The following ARHGAP6 variants were observed in gnomAD, a reference collection of about 807,000 sequenced individuals.
The protein encoded by ARHGAP6 is rho GTPase-activating protein 6.
Under a neutral mutation model 55.7 loss-of-function variants are expected in ARHGAP6, and 16 were observed. The ratio of observed to expected loss-of-function variants is 0.29; its 90% CI spans 0.19 to 0.44. The LOEUF (loss-of-function observed/expected upper bound fraction) is 0.44, where lower values mean the gene tolerates loss of function less well. Ranked by LOEUF, ARHGAP6 falls within the 20% of genes least tolerant of loss-of-function variation. The probability of loss-of-function intolerance (pLI) is 1.00; values close to 1 mark genes in which losing one functional copy is unlikely to be tolerated. For synonymous variants in ARHGAP6, 382 were observed against 360.9 expected, an observed-to-expected ratio of 1.06 and a Z score of -0.66; for missense variants, 698 against 808.9, an observed-to-expected ratio of 0.86 and a Z score of 1.66.
chrX:11,171,621 T>C (rs1206147478), intron 8 of ARHGAP6, among the ~76,000 whole-genome samples: 1 of 112,412 alleles, frequency 8.9e-6, no homozygotes, highest in Non-Finnish European at 1.9e-5. Context: ...ATTGTTGTAA[T>C]AAGGAATATG....
rs776081041 is a variant in ARHGAP6, at chrX:11,570,363, TTGATA to T, written c.588+93873_588+93877del. On this transcript the variant is annotated intron_variant, in intron 1 of 12. Coordinates refer to ENST00000337414, the MANE Select transcript of ARHGAP6 (RefSeq NM_013427.3). The stretch of plus-strand genomic sequence containing the variant: ...TGAACATAATTTATTTTATATGTTA[TTGATA>T]TGAAAGTATAAATATTTGATAATAT... Among the ~76,000 whole-genome samples, 18 of 111,941 alleles carry T rather than the reference TTGATA, an allele frequency of 1.6e-4. No homozygotes were observed. In the South Asian group the frequency reaches 6.7e-3, roughly 42 times the overall value.
chrX:11,662,213 T>C (rs1569076857), intron 1 of ARHGAP6, among the ~76,000 whole-genome samples: 1 of 112,145 alleles, frequency 8.9e-6, no homozygotes, highest in East Asian at 2.8e-4. Flanking sequence ...CAGTGCCCAA[T>C]AGGATACATT....
At chrX:11,195,385 G>A (rs930468875) in intron 3 of ARHGAP6, among the ~76,000 whole-genome samples, 5 of 109,748 alleles carry the variant, frequency 4.6e-5, no homozygotes, top group African/African-American at 1.3e-4. Flanking sequence ...ATTGGACTGC[G>A]TCAATGGGGC....
At chrX:11,359,818 G>T (rs1178015624) in intron 1 of ARHGAP6, among the ~76,000 whole-genome samples, 1 of 111,758 alleles carries the variant, frequency 8.9e-6, no homozygotes, top group African/African-American at 3.2e-5. Flanking sequence ...AAATGATAAA[G>T]GGGATATCAC....
chrX:11,466,097 T>A (rs1205777440), intron 1 of ARHGAP6, among the ~76,000 whole-genome samples: 2 of 111,726 alleles, frequency 1.8e-5, no homozygotes, highest in Non-Finnish European at 3.8e-5. Context: ...ACTTCTCCTT[T>A]GAACTTGCAG....
intron 1 of ARHGAP6, among the ~76,000 whole-genome samples, chrX:11,324,891 G>A (rs924796021): frequency 1.3e-4 from 15 of 112,343 alleles, no homozygotes; most frequent in Non-Finnish European, 2.1e-4. Flanking sequence ...TTGCTCTGTC[G>A]CCCAGGCCGG....
chrX:11,438,753 A>G (rs753601485), intron 1 of ARHGAP6, among the ~76,000 whole-genome samples: 1 of 112,659 alleles, frequency 8.9e-6, no homozygotes, highest in African/African-American at 3.2e-5. Context: ...ATTCCTCAAC[A>G]CCTAGCAGAA....
chrX:11,435,791 A>G (rs1202497597), intron 1 of ARHGAP6, among the ~76,000 whole-genome samples: 1 of 111,929 alleles, frequency 8.9e-6, no homozygotes, highest in East Asian at 2.8e-4. Flanking sequence ...TATGACTAAC[A>G]AGCAAGGATT....
intron 1 of ARHGAP6, among the ~76,000 whole-genome samples, chrX:11,631,603 T>C (rs1445778050): frequency 9.0e-6 from 1 of 111,240 alleles, no homozygotes. Context: ...TGTTCCAATG[T>C]TATTTTAAGA....
intron 10 of ARHGAP6, among the ~76,000 whole-genome samples, chrX:11,153,393 C>T (rs2045815529): frequency 9.2e-6 from 1 of 108,450 alleles, no homozygotes; most frequent in Non-Finnish European, 1.9e-5. Context: ...GGTGTGGTGG[C>T]ATGCACCTGT....
At chrX:11,517,611 A>C (rs1910638742) in intron 1 of ARHGAP6, among the ~76,000 whole-genome samples, 1 of 111,504 alleles carries the variant, frequency 9.0e-6, no homozygotes, top group Non-Finnish European at 1.9e-5. Flanking sequence ...AAAATCATCA[A>C]GCAGTATGAT....
intron 1 of ARHGAP6, among the ~76,000 whole-genome samples, chrX:11,444,077 G>A (rs955235984): frequency 1.8e-5 from 2 of 112,000 alleles, no homozygotes; most frequent in Admixed American, 9.4e-5. Flanking sequence ...TTTTCATTGA[G>A]TTATCTGTTT....
At chrX:11,280,780 G>A (rs772093787) in intron 1 of ARHGAP6, among the ~76,000 whole-genome samples, 13 of 105,369 alleles carry the variant, frequency 1.2e-4, no homozygotes, top group Admixed American at 1.0e-3. Flanking sequence ...AATTTTTTTC[G>A]GAGCAGTTCT....
At chrX:11,206,417 T>C (rs1368198396) in intron 2 of ARHGAP6, among the ~76,000 whole-genome samples, 1 of 111,471 alleles carries the variant, frequency 9.0e-6, no homozygotes, top group Non-Finnish European at 1.9e-5. Flanking sequence ...ATTTAGATGA[T>C]CAGCAGTTTT....
chrX:11,471,736 G>T, intron 1 of ARHGAP6, among the ~76,000 whole-genome samples: 1 of 111,299 alleles, frequency 9.0e-6, no homozygotes, highest in East Asian at 2.8e-4. Flanking sequence ...GTACCCCTGG[G>T]GGATGCAGGG....
At chrX:11,241,430 G>C (rs1265549042) in intron 2 of ARHGAP6, among the ~76,000 whole-genome samples, 1 of 110,986 alleles carries the variant, frequency 9.0e-6, no homozygotes, top group Non-Finnish European at 1.9e-5. Context: ...GGGTTCAAGA[G>C]AGGGGAAAAT....
chrX:11,474,284 C>T (rs2050381133), intron 1 of ARHGAP6, among the ~76,000 whole-genome samples: 2 of 112,162 alleles, frequency 1.8e-5, no homozygotes, highest in Non-Finnish European at 3.8e-5. Context: ...AGTCTGTCTA[C>T]AGCGTTATCT....
intron 1 of ARHGAP6, among the ~76,000 whole-genome samples, chrX:11,658,290 A>G (rs759585155): frequency 1.8e-5 from 2 of 112,082 alleles, no homozygotes; most frequent in Non-Finnish European, 3.8e-5. Context: ...CTGAGAAGCT[A>G]TCTTCACAGT....
At chrX:11,449,676 T>A (rs1359621934) in intron 1 of ARHGAP6, among the ~76,000 whole-genome samples, 1 of 112,293 alleles carries the variant, frequency 8.9e-6, no homozygotes, top group Non-Finnish European at 1.9e-5. Flanking sequence ...AACTTCCTGA[T>A]TTTTAGATCT....
Sources: allele counts gnomAD v4.1 joint callset (sites outside exome capture counted in the v4.1 genomes callset), GRCh38; gene constraint gnomAD v4.1.1; transcripts MANE v1.5; gene names NCBI Gene and HGNC (gene_info 2026-07-23, HGNC 2026-07-21).